Variants in TRIM59 observed in about 807,000 individuals in gnomAD.
TRIM59 encodes the protein tripartite motif containing 59.
Under a neutral mutation model 32.2 loss-of-function variants are expected in TRIM59, and 14 were observed. The observed-to-expected ratio is 0.43, with a 90% CI of 0.29 to 0.68. The LOEUF (loss-of-function observed/expected upper bound fraction) is 0.68, where lower values mean the gene tolerates loss of function less well. TRIM59 is among the 30% of genes least tolerant of loss of function. TRIM59 has a pLI of 0.15. For missense variants in TRIM59, 471 were observed against 463.3 expected (o/e 1.02, Z -0.15); for synonymous variants, 163 against 155.1 (o/e 1.05, Z -0.38).
At position 160,449,436 on chromosome 3, in the gene TRIM59, G is replaced by A; in HGVS notation, c.-74+281C>T. 3 of 1,146,194 alleles carry A rather than the reference G, an allele frequency of 2.6e-6. No homozygotes were observed. In the South Asian group the frequency reaches 5.1e-5, roughly 19 times the overall value. 71.0% of individuals were successfully genotyped at this position (1,146,194 alleles called of 1,614,324 possible). ...GGCACCCGCCCGTCCCCAACCCCGCGGGACTGACCGACTCGGCGGCGTCCG... is the reference window on the plus strand; with the variant it reads ...GGCACCCGCCCGTCCCCAACCCCGCAGGACTGACCGACTCGGCGGCGTCCG... On this transcript the variant is annotated intron_variant, in intron 1 of 2. Transcript: ENST00000309784.
At position 160,437,895 on chromosome 3, in the gene TRIM59, C is replaced by T. The variant is rs1300415576; in HGVS notation, c.*77G>A. On this transcript the variant is annotated 3_prime_UTR_variant, in exon 3 of 3. Transcript: ENST00000309784. Reference sequence around the variant, plus strand: ...TGCAGCACTAATAAAGCTTAGTTTGCTCTTTATCCATGCTACCCCATTTTT... The same window carrying T: ...TGCAGCACTAATAAAGCTTAGTTTGTTCTTTATCCATGCTACCCCATTTTT... The T allele has an allele frequency of 1.8e-5, 26 of 1,413,626 alleles. No homozygotes were observed. In the East Asian group the frequency reaches 5.8e-4, roughly 31 times the overall value. The allele number at this position is 1,413,626 out of a possible 1,614,324, so 87.6% of individuals were successfully genotyped here. A position where few individuals can be genotyped will look rare whatever the true frequency, so the allele number is the denominator to read the frequency against.
Position 160,438,799 on chromosome 3 carries a change from G to T in TRIM59, c.385C>A (p.His129Asn). Residue 129 changes from histidine to asparagine, a missense_variant, in exon 3 of 3, where the codon CAT (histidine) becomes AAT (asparagine). Coordinates refer to ENST00000309784, the MANE Select transcript of TRIM59 (RefSeq NM_173084.3). ...GCACTTTGAAGGTCATCTATAGGATGACCATGATGTTGACCTATGGTAAGG... is the reference window on the plus strand; with the variant it reads ...GCACTTTGAAGGTCATCTATAGGATTACCATGATGTTGACCTATGGTAAGG... ...HCLTIGQHHGHPIDDLQSAYL... is the reference protein window; with the variant it reads ...HCLTIGQHHGNPIDDLQSAYL... The T allele has an allele frequency of 6.2e-7, 1 of 1,613,880 alleles. No homozygotes were observed. Among genetic ancestry groups the T allele is most frequent in the South Asian group, 1.1e-5 (1 of 91,026 alleles).
chr3:160,444,187 T>C (rs958065221), intron 2 of TRIM59, among the ~76,000 whole-genome samples: 11 of 151,940 alleles, frequency 7.2e-5, no homozygotes, highest in African/African-American at 2.7e-4. Flanking sequence ...TAAATCTTAA[T>C]TTTTCCTTAT....
chr3:160,443,896 T>TC (rs1354067926), intron 2 of TRIM59, among the ~76,000 whole-genome samples: 1 of 152,074 alleles, frequency 6.6e-6, no homozygotes, highest in Non-Finnish European at 1.5e-5. Flanking sequence ...TGCCTCGACC[T>TC]CCCAAAGTGC....
Position 160,449,771 on chromosome 3 carries a change from G to A in TRIM59, c.-128C>T, listed in dbSNP as rs894483837. On this transcript the variant is annotated 5_prime_UTR_variant, in exon 1 of 3. Transcript: ENST00000309784. Reference sequence around the variant, plus strand: ...ACAGCACGGAAACACAGCGCCACGAGCTCCAGGCGGATGCTGAGAGCCGCC... The same window carrying A: ...ACAGCACGGAAACACAGCGCCACGAACTCCAGGCGGATGCTGAGAGCCGCC... 6.3e-6 allele frequency: 8 copies of A among 1,276,410 alleles called. No individual in the cohort carries two copies. Among genetic ancestry groups the A allele is most frequent in the East Asian group, 1.1e-4 (2 of 17,948 alleles). 79.1% of individuals were successfully genotyped at this position (1,276,410 alleles called of 1,614,324 possible).
rs2108512041 is a variant in TRIM59, at chr3:160,435,786, T to TCTTG, written c.*2182_*2185dup. ...GATTACAAACCCTTACCAACATTAA[T>TCTTG]CTTGGCCTACTTTAAAGTTGAGTGA... On this transcript the variant is annotated 3_prime_UTR_variant, in exon 3 of 3. Coordinates refer to ENST00000309784, the MANE Select transcript of TRIM59 (RefSeq NM_173084.3). 4 of 456,348 alleles carry TCTTG rather than the reference T, an allele frequency of 8.8e-6. No homozygotes were observed. Among genetic ancestry groups the TCTTG allele is most frequent in the South Asian group, 6.7e-5 (4 of 59,878 alleles). The allele number at this position is 456,348 out of a possible 1,614,324, so 28.3% of individuals were successfully genotyped here. A position where few individuals can be genotyped will look rare whatever the true frequency, so the allele number is the denominator to read the frequency against.
chr3:160,443,277 A>T (rs1296243524), intron 2 of TRIM59, among the ~76,000 whole-genome samples: 1 of 152,232 alleles, frequency 6.6e-6, no homozygotes, highest in African/African-American at 2.4e-5. Context: ...ATTTTCTAGG[A>T]TGAACATCTT....
At chr3:160,449,189 C>T (rs978152751) in intron 1 of TRIM59, among the ~76,000 whole-genome samples, 10 of 152,162 alleles carry the variant, frequency 6.6e-5, no homozygotes, top group Admixed American at 6.5e-4. Context: ...GTATAGTTTG[C>T]TCATCTCTCT....
intron 2 of TRIM59, among the ~76,000 whole-genome samples, chr3:160,446,059 C>T (rs921558374): frequency 3.9e-5 from 6 of 152,134 alleles, no homozygotes; most frequent in African/African-American, 1.4e-4. Flanking sequence ...TCCTTCCCCC[C>T]TCAGCCTCCC....
At chr3:160,446,291 GA>G (rs1293916490) in intron 2 of TRIM59, among the ~76,000 whole-genome samples, 1 of 152,050 alleles carries the variant, frequency 6.6e-6, no homozygotes, top group Non-Finnish European at 1.5e-5. Context: ...TAAATATTTT[GA>G]AGACAGTATA....
At chr3:160,440,094 A>G (rs1441346045) in intron 2 of TRIM59, among the ~76,000 whole-genome samples, 1 of 152,190 alleles carries the variant, frequency 6.6e-6, no homozygotes, top group Non-Finnish European at 1.5e-5. Flanking sequence ...ACTACCATAA[A>G]TTTTTTAGCT....
At chr3:160,443,395 T>G (rs190762242) in intron 2 of TRIM59, among the ~76,000 whole-genome samples, 1 of 151,948 alleles carries the variant, frequency 6.6e-6, no homozygotes, top group African/African-American at 2.4e-5. Context: ...GGAAAAAAAA[T>G]GGCTTCTGAA....
chr3:160,436,659 G>A lies in TRIM59; in HGVS notation c.*1313C>T, dbSNP rs991069080. ...TAAAAATACAGAAAATTAGCTGGGC[G>A]TGGTAGCAGATGCCTGTAGTCCCAG... is the stretch of plus-strand genomic sequence containing the variant. On this transcript the variant is annotated 3_prime_UTR_variant, in exon 3 of 3. Transcript: ENST00000309784. 5 of 567,806 alleles carry A rather than the reference G, an allele frequency of 8.8e-6. No homozygotes were observed. Among genetic ancestry groups the A allele is most frequent in the South Asian group, 1.5e-4 (2 of 13,032 alleles). The allele number at this position is 567,806 out of a possible 1,614,324, so 35.2% of individuals were successfully genotyped here.
intron 1 of TRIM59, chr3:160,449,034 C>CT (rs539845996): frequency 2.3e-4 from 60 of 265,354 alleles, no homozygotes; most frequent in Admixed American, 1.9e-3. Flanking sequence ...CGTCAAGTAG[C>CT]TTATGAGCTC....
rs149411708 is a variant in TRIM59 at position 160,438,595 on chromosome 3, C to T, written c.589G>A (p.Glu197Lys). The T allele has an allele frequency of 1.9e-4, 298 of 1,608,600 alleles. No individual in the cohort carries two copies. The African/African-American group carries it at 3.1e-3, about 17-fold the overall frequency. Residue 197 changes from glutamate (E) to lysine (K), a missense_variant, in exon 3 of 3, where the codon GAA becomes AAA. Physicochemically the swap from Glu to Lys is moderately conservative, Grantham distance 56. Coordinates refer to ENST00000309784, the MANE Select transcript of TRIM59 (RefSeq NM_173084.3). ...QYFKELNDTL[E>K]QKKKSFLTAL... ...GTTAGGAAACTTTTTTTTTTCTGTTCTAATGTATCATTAAGCTCCTTAAAA... is the reference window on the plus strand; with the variant it reads ...GTTAGGAAACTTTTTTTTTTCTGTTTTAATGTATCATTAAGCTCCTTAAAA...
chr3:160,438,462 G>A lies in TRIM59; in HGVS notation c.722C>T (p.Ser241Phe). The A allele has an allele frequency of 6.2e-7, 1 of 1,613,950 alleles. No homozygotes were observed. The highest frequency in any genetic ancestry group is 8.5e-7 in the Non-Finnish European group (1 of 1,179,984). The part of the protein sequence containing the change: ...QQLELMALTI[S>F]LQEESPLKFL... ...TTTAAGTGGAGACTCTTCTTGTAAA[G>A]ATATTGTCAGTGCCATTAATTCAAG... Residue 241 changes from serine to phenylalanine, a missense_variant, in exon 3 of 3, where the codon TCT (serine) becomes TTT (phenylalanine). Physicochemically the swap from Ser to Phe is radical, Grantham distance 155. Transcript: ENST00000309784.
rs1719019783 is a variant in TRIM59, at chr3:160,437,190, A to T, written c.*782T>A. 1 of 658,820 alleles carries T rather than the reference A, an allele frequency of 1.5e-6. No homozygotes were observed. Among genetic ancestry groups the T allele is most frequent in the South Asian group, 6.8e-5 (1 of 14,700 alleles). 40.8% of individuals were successfully genotyped at this position (658,820 alleles called of 1,614,324 possible). A position where few individuals can be genotyped will look rare whatever the true frequency, so the allele number is the denominator to read the frequency against. On this transcript the variant is annotated 3_prime_UTR_variant, in exon 3 of 3. Coordinates refer to ENST00000309784, the MANE Select transcript of TRIM59 (RefSeq NM_173084.3). Reference sequence around the variant, plus strand: ...AATATGGCAAAACCTCGTTTCTACAAAAAACAATTTTTTTAATTAGCCAGG... The same window carrying T: ...AATATGGCAAAACCTCGTTTCTACATAAAACAATTTTTTTAATTAGCCAGG...
chr3:160,439,321 G>T (rs1408075241), intron 2 of TRIM59, 135 bp from the exon 3 acceptor site: 8 of 676,064 alleles, frequency 1.2e-5, no homozygotes, highest in South Asian at 5.3e-5. Context: ...TTAAAATGAA[G>T]TTTTCTGAGT....
rs1352915079 is a variant in TRIM59, at chr3:160,438,216, TC to T, written c.967del (p.Glu323LysfsTer5). ...GTTTAAAATTTTTAAAAATTCAACT[TC>T]CTTTTCATCCTTACCAGGCCAGGAA... The part of the protein sequence containing the change: ...SCSWPGKDEK[E>X]VEFLKILNIV... On this transcript the variant is annotated frameshift_variant, in exon 3 of 3. Transcript: ENST00000309784. LOFTEE classifies it high-confidence loss of function. 1 of 1,612,986 alleles carries T rather than the reference TC, an allele frequency of 6.2e-7. No homozygotes were observed. Among genetic ancestry groups the T allele is most frequent in the Non-Finnish European group, 8.5e-7 (1 of 1,179,754 alleles).
Sources: allele counts gnomAD v4.1 joint callset (sites outside exome capture counted in the v4.1 genomes callset), GRCh38; gene constraint gnomAD v4.1.1; transcripts MANE v1.5; gene names NCBI Gene and HGNC (gene_info 2026-07-23, HGNC 2026-07-21).